The following ANKHD1 variants were observed in gnomAD, a reference collection of about 807,000 sequenced individuals.
The protein encoded by ANKHD1 is ankyrin repeat and KH domain-containing protein 1.
ANKHD1 carries 31 observed loss-of-function variants against 230.5 expected under a neutral mutation model. The ratio of observed to expected loss-of-function variants is 0.13; its 90% CI spans 0.10 to 0.18. ANKHD1 has a LOEUF of 0.18. ANKHD1 is among the 10% of genes least tolerant of loss of function. ANKHD1 has a pLI of 1.00. For missense variants in ANKHD1, 2,256 were observed against 3,071.3 expected, an observed-to-expected ratio of 0.73 and a Z score of 6.27; for synonymous variants, 1,074 against 1,117.6, an observed-to-expected ratio of 0.96 and a Z score of 0.78.
chr5:140,479,531 T>G (rs1751151382), intron 10 of ANKHD1, among the ~76,000 whole-genome samples: 1 of 151,980 alleles, frequency 6.6e-6, no homozygotes, highest in African/African-American at 2.4e-5. Flanking sequence ...ATTACCATTA[T>G]ATACATATAT....
chr5:140,469,768 T>C (rs552091332), intron 10 of ANKHD1, among the ~76,000 whole-genome samples: 5 of 152,006 alleles, frequency 3.3e-5, no homozygotes, highest in African/African-American at 4.8e-5. Context: ...GTTATACATT[T>C]ACATTCTGAT....
At chr5:140,501,470 G>A (rs1476289010) in intron 15 of ANKHD1, among the ~76,000 whole-genome samples, 2 of 151,918 alleles carry the variant, frequency 1.3e-5, no homozygotes, top group African/African-American at 2.4e-5. Flanking sequence ...ACAACAGCCG[G>A]GCACTGTGGC....
intron 30 of ANKHD1, chr5:140,535,751 C>A: frequency 3.1e-6 from 2 of 646,946 alleles, no homozygotes; most frequent in Non-Finnish European, 4.4e-6. Context: ...TACAGTAGAA[C>A]TTGGATCAAG....
Position 140,510,026 on chromosome 5 carries a change from C to T in ANKHD1, c.3949C>T (p.His1317Tyr), listed in dbSNP as rs367652890. 6.2e-7 allele frequency: 1 copy of T among 1,612,616 alleles called. No homozygotes were observed. Among genetic ancestry groups the T allele is most frequent in the Non-Finnish European group, 8.5e-7 (1 of 1,178,950 alleles). Residue 1317 changes from histidine (H) to tyrosine (Y), a missense_variant, in exon 22 of 34, where the codon CAC becomes TAC. Transcript: ENST00000360839. ...AATATGCCTTGTTTACAGGGGAGCC[C>T]ACATTGATGTTCGTAACAAAAAGGG... ...FCELLIHRGA[H>Y]IDVRNKKGNT... is the part of the protein sequence containing the mutation.
At chr5:140,413,217 C>T (rs890413417) in intron 1 of ANKHD1, among the ~76,000 whole-genome samples, 4 of 152,020 alleles carry the variant, frequency 2.6e-5, no homozygotes, top group Non-Finnish European at 5.9e-5. Flanking sequence ...AGATTGAGAA[C>T]GAGTTTGTTT....
At chr5:140,463,012 A>C (rs1022091009) in intron 9 of ANKHD1, among the ~76,000 whole-genome samples, 44 of 147,502 alleles carry the variant, frequency 3.0e-4, no homozygotes, top group African/African-American at 1.0e-3. Context: ...TGCCCCGCTA[A>C]TTTTTTTTTT....
intron 1 of ANKHD1, among the ~76,000 whole-genome samples, chr5:140,419,774 T>TTTC (rs1771729323): frequency 6.9e-5 from 6 of 86,826 alleles, no homozygotes; most frequent in African/African-American, 2.0e-4. Flanking sequence ...TTTCCTTTCT[T>TTTC]TTTCTTTCTT....
At chr5:140,535,190 G>A (rs1197713960) in intron 29 of ANKHD1, among the ~76,000 whole-genome samples, 172 bp from the exon 30 acceptor site, 1 of 152,214 alleles carries the variant, frequency 6.6e-6, no homozygotes, top group Admixed American at 6.5e-5. Flanking sequence ...TGGCCATACA[G>A]TATCACATAG....
At chr5:140,437,947 A>T (rs1773574253) in intron 2 of ANKHD1, among the ~76,000 whole-genome samples, 2 of 152,198 alleles carry the variant, frequency 1.3e-5, no homozygotes, top group African/African-American at 2.4e-5. Flanking sequence ...TTCATTGGGT[A>T]TTGTGTATAT....
Position 140,538,143 on chromosome 5 carries a change from T to C in ANKHD1, c.7286T>C (p.Leu2429Ser). The C allele has an allele frequency of 6.2e-7, 1 of 1,614,154 alleles. No individual in the cohort carries two copies. Among genetic ancestry groups the C allele is most frequent in the Non-Finnish European group, 8.5e-7 (1 of 1,180,020 alleles). ...GGGAACCATCCAATGCATCAACAATTATCAGACCCAAGCACATTCTCCCAA... is the reference window on the plus strand; with the variant it reads ...GGGAACCATCCAATGCATCAACAATCATCAGACCCAAGCACATTCTCCCAA... ...VMGNHPMHQQ[L>S]SDPSTFSQHQ... is the part of the protein sequence containing the mutation. Residue 2429 changes from leucine (L) to serine (S), a missense_variant, in exon 32 of 34, where the codon TTA becomes TCA. This residue lies in a region of ANKHD1 where 778 missense variants were observed against 966.5 expected (regional missense o/e 0.80). Coordinates refer to ENST00000360839, the MANE Select transcript of ANKHD1 (RefSeq NM_017747.3).
rs1356348923 is a variant in ANKHD1 at position 140,461,634 on chromosome 5, T to G, written c.1672+2279T>G. On this transcript the variant is annotated intron_variant, in intron 9 of 33. Transcript: ENST00000360839. ...ATGGCCAATCTTATTTCATCTGTAC[T>G]TCTTCCACATCCCCATTCTTACAAA... Among the ~76,000 whole-genome samples, 3 of 152,210 alleles carry G rather than the reference T, an allele frequency of 2.0e-5. No homozygotes were observed. In the East Asian group the frequency reaches 5.8e-4, roughly 29 times the overall value.
intron 24 of ANKHD1, among the ~76,000 whole-genome samples, chr5:140,520,061 T>A (rs1354025236): frequency 1.3e-5 from 2 of 149,198 alleles, no homozygotes; most frequent in Non-Finnish European, 3.0e-5. Context: ...GAATCTACAA[T>A]GAACTCAAAC....
In ANKHD1 at chr5:140,403,022, A is replaced by G. The variant is rs1308190405; in HGVS notation, c.306+749A>G. Among the ~76,000 whole-genome samples, 2 of 125,598 alleles carry G rather than the reference A, an allele frequency of 1.6e-5. 1 individual carries two copies. Among genetic ancestry groups the G allele is most frequent in the Non-Finnish European group, 3.1e-5 (2 of 64,496 alleles). The allele number at this position is 125,598 out of a possible 152,430, so 82.4% of individuals were successfully genotyped here. ...GAGTTTCGCTCTTGTTGTCCACGCT[A>G]GAATACACGTGATCTCAGCTCACTG... On this transcript the variant is annotated intron_variant, in intron 1 of 33. Transcript: ENST00000360839.
chr5:140,422,819 A>G (rs1304070283), intron 1 of ANKHD1, among the ~76,000 whole-genome samples: 1 of 151,678 alleles, frequency 6.6e-6, no homozygotes, highest in East Asian at 2.0e-4. Context: ...TGGGGGGGAA[A>G]AAAGACATCA....
chr5:140,479,170 T>G (rs982138702), intron 10 of ANKHD1, among the ~76,000 whole-genome samples: 1 of 148,676 alleles, frequency 6.7e-6, no homozygotes, highest in African/African-American at 2.5e-5. Context: ...GCTAATTTTG[T>G]TTTTTTTTGT....
Position 140,485,397 on chromosome 5 carries a change from AACACACACACACACACACACAC to A in ANKHD1, c.1998+158_1999-162del. 1 of 664,316 alleles carries A rather than the reference AACACACACACACACACACACAC, an allele frequency of 1.5e-6. No homozygotes were observed. Among genetic ancestry groups the A allele is most frequent in the Admixed American group, 3.5e-5 (1 of 28,566 alleles). 41.2% of individuals were successfully genotyped at this position (664,316 alleles called of 1,614,324 possible). Reference sequence around the variant, plus strand: ...CATAAGGAGACCCCATCTCTATTAAAACACACACACACACACACACACACACACACGTATGTATGTGTATATA... The same window carrying A: ...CATAAGGAGACCCCATCTCTATTAAAACACACACGTATGTATGTGTATATA... On this transcript the variant is annotated intron_variant, in intron 12 of 33. Transcript: ENST00000360839. This position sits in a 1 kb window ranked among gnomAD's most constrained non-coding sequence, Gnocchi z 4.8.
Position 140,440,131 on chromosome 5 carries a change from A to G in ANKHD1, c.630A>G (p.Ala210=). ...GTTTTGTTTCCAGTCGCAGTCTAGC[A>G]GAAGCTTGTTCAGATGGGGATGTTA... ...NAGQVDTRSL[A]EACSDGDVNA... The change falls in exon 4 of 34, where the codon GCA becomes GCG. Residue 210 remains alanine (A), a synonymous_variant. Transcript: ENST00000360839. The G allele has an allele frequency of 6.2e-7, 1 of 1,607,608 alleles. No homozygotes were observed. The highest frequency in any genetic ancestry group is 8.5e-7 in the Non-Finnish European group (1 of 1,176,812).
intron 10 of ANKHD1, among the ~76,000 whole-genome samples, chr5:140,469,600 AT>A (rs1296350607): frequency 9.9e-5 from 15 of 152,150 alleles, no homozygotes; most frequent in Admixed American, 9.8e-4. Flanking sequence ...AAACACAGGA[AT>A]AAAATTACTT....
At chr5:140,424,365 C>A (rs1195277008) in intron 1 of ANKHD1, among the ~76,000 whole-genome samples, 1 of 152,100 alleles carries the variant, frequency 6.6e-6, no homozygotes, top group Non-Finnish European at 1.5e-5. Context: ...TTCACTGTAG[C>A]CTTGAACTCC....
Sources: gnomAD v4.1 joint callset for allele counts (sites outside exome capture counted in the v4.1 genomes callset) on GRCh38, gnomAD v4.1.1 for gene constraint, gnomAD v4.1.1 regional missense constraint, Gnocchi (gnomAD v3.1) non-coding constraint, MANE v1.5 for transcripts, NCBI Gene and HGNC (gene_info 2026-07-23, HGNC 2026-07-21) for gene names.